IGF2BP3: variants seen among roughly 807,000 people sequenced by gnomAD.
IGF2BP3 encodes insulin like growth factor 2 mRNA binding protein 3, also known as insulin-like growth factor 2 mRNA-binding protein 3.
In IGF2BP3, 9 loss-of-function variants were observed where a neutral mutation model predicts 73.8. The observed-to-expected ratio is 0.12, with a 90% CI of 0.07 to 0.21. The LOEUF (loss-of-function observed/expected upper bound fraction) is 0.21, where lower values mean the gene tolerates loss of function less well. Ranked by LOEUF, IGF2BP3 falls within the 10% of genes least tolerant of loss-of-function variation. IGF2BP3 has a pLI of 1.00. For synonymous variants in IGF2BP3, 258 were observed against 256.7 expected, an observed-to-expected ratio of 1.01 and a Z score of -0.05; for missense variants, 542 against 714.0, an observed-to-expected ratio of 0.76 and a Z score of 2.75.
chr7:23,411,986 T>C (rs995142984), intron 3 of IGF2BP3, among the ~76,000 whole-genome samples: 6 of 131,632 alleles, frequency 4.6e-5, no homozygotes, highest in East Asian at 2.0e-4. Flanking sequence ...TTATTTCTCT[T>C]TTTTTTTTTT....
chr7:23,395,117 GAT>G (rs1786409482), intron 3 of IGF2BP3, among the ~76,000 whole-genome samples: 2 of 152,286 alleles, frequency 1.3e-5, no homozygotes, highest in South Asian at 4.1e-4. Flanking sequence ...AGCCCTCACT[GAT>G]GTTTCTGACT....
At chr7:23,439,410 T>C (rs1057037683) in intron 2 of IGF2BP3, among the ~76,000 whole-genome samples, 1 of 149,666 alleles carries the variant, frequency 6.7e-6, no homozygotes, top group African/African-American at 2.5e-5. Context: ...AAAAAAAAAA[T>C]TAGCCGGGTG....
At chr7:23,398,669 A>G (rs1416420179) in intron 3 of IGF2BP3, among the ~76,000 whole-genome samples, 2 of 152,152 alleles carry the variant, frequency 1.3e-5, no homozygotes, top group Non-Finnish European at 2.9e-5. Flanking sequence ...GCCAGTGATG[A>G]TGAGCATTTT....
chr7:23,437,427 G>C (rs866658865), intron 2 of IGF2BP3, among the ~76,000 whole-genome samples: 3 of 152,074 alleles, frequency 2.0e-5, no homozygotes, highest in African/African-American at 7.2e-5. Context: ...AGGTTGCAGT[G>C]AGCCGAGATG....
chr7:23,381,450 A>C (rs909715692), intron 3 of IGF2BP3, among the ~76,000 whole-genome samples: 2 of 152,246 alleles, frequency 1.3e-5, no homozygotes, highest in African/African-American at 4.8e-5. Flanking sequence ...ACCAGCAAGC[A>C]CAGAAAGTTG....
At chr7:23,411,841 C>T (rs748880687) in intron 3 of IGF2BP3, among the ~76,000 whole-genome samples, 3 of 152,102 alleles carry the variant, frequency 2.0e-5, no homozygotes, top group African/African-American at 7.2e-5. Context: ...TCTCAGCACA[C>T]GTTCATCCAC....
intron 3 of IGF2BP3, among the ~76,000 whole-genome samples, chr7:23,380,712 T>C (rs73281623): frequency 0.023 from 3,484 of 152,274 alleles, 127 homozygotes; most frequent in African/African-American, 0.079. Flanking sequence ...TCTAATCCAA[T>C]GACTAATATC....
At chr7:23,319,728 G>A (rs1267724060) in intron 10 of IGF2BP3, among the ~76,000 whole-genome samples, 5 of 152,202 alleles carry the variant, frequency 3.3e-5, no homozygotes, top group African/African-American at 1.2e-4. Flanking sequence ...ACACAGTGAA[G>A]TGTTTAAGAG....
chr7:23,343,592 G>C, intron 9 of IGF2BP3, 126 bp downstream of exon 9: 2 of 861,378 alleles, frequency 2.3e-6, no homozygotes, highest in Non-Finnish European at 3.7e-6. Context: ...ACTTGCTGAG[G>C]TGCTAAAAAT....
At chr7:23,316,839 G>A (rs1462249890) in intron 12 of IGF2BP3, among the ~76,000 whole-genome samples, 3 of 152,168 alleles carry the variant, frequency 2.0e-5, no homozygotes, top group South Asian at 4.1e-4. Context: ...CATGGTCTTA[G>A]TCTGATTCAT....
At chr7:23,411,892 A>G (rs1362272265) in intron 3 of IGF2BP3, among the ~76,000 whole-genome samples, 1 of 149,434 alleles carries the variant, frequency 6.7e-6, no homozygotes, top group Non-Finnish European at 1.5e-5. Context: ...TATATTAACT[A>G]TGGTATTGTT....
intron 2 of IGF2BP3, among the ~76,000 whole-genome samples, chr7:23,455,542 T>C (rs1273398932): frequency 6.6e-6 from 1 of 152,240 alleles, no homozygotes; most frequent in African/African-American, 2.4e-5. Context: ...AACTTCTCTT[T>C]ACTTGGAGAG....
At chr7:23,392,527 TACACACACAC>T (rs368379331) in intron 3 of IGF2BP3, among the ~76,000 whole-genome samples, 1 of 149,044 alleles carries the variant, frequency 6.7e-6, no homozygotes, top group Non-Finnish European at 1.5e-5. Context: ...CACACACACA[TACACACACAC>T]ACACAAATAT....
chr7:23,415,504 G>T (rs558669291), intron 3 of IGF2BP3: 1 of 231,672 alleles, frequency 4.3e-6, no homozygotes, highest in East Asian at 1.9e-4. Flanking sequence ...TCCGTCAGTC[G>T]GCATCACTGC....
intron 3 of IGF2BP3, among the ~76,000 whole-genome samples, chr7:23,401,492 C>T (rs756079751): frequency 6.6e-6 from 1 of 152,076 alleles, no homozygotes; most frequent in Non-Finnish European, 1.5e-5. Flanking sequence ...ATGCCAGGCA[C>T]GGTGGCTCAC....
intron 2 of IGF2BP3, among the ~76,000 whole-genome samples, chr7:23,423,435 G>A (rs1336454443): frequency 6.6e-6 from 1 of 152,164 alleles, no homozygotes; most frequent in Non-Finnish European, 1.5e-5. Flanking sequence ...TTTTAATAGA[G>A]TGTTTCTATC....
intron 3 of IGF2BP3, among the ~76,000 whole-genome samples, chr7:23,403,515 T>C (rs997748620): frequency 1.3e-5 from 2 of 152,294 alleles, no homozygotes; most frequent in East Asian, 1.9e-4. Context: ...AGGAGGAAAT[T>C]ATAGATCTCA....
chr7:23,447,337 C>CA (rs1788089880), intron 2 of IGF2BP3, among the ~76,000 whole-genome samples: 1 of 151,492 alleles, frequency 6.6e-6, no homozygotes, highest in Non-Finnish European at 1.5e-5. Context: ...GTCATTAAAT[C>CA]AAATGAAGGA....
intron 7 of IGF2BP3, 31 bp from the exon 8 acceptor site, chr7:23,346,093 A>C: frequency 1.3e-6 from 2 of 1,593,226 alleles, no homozygotes; most frequent in Non-Finnish European, 1.7e-6. Flanking sequence ...ATAAAATTAG[A>C]ATAAGTAAAC....
Sources: allele counts gnomAD v4.1 joint callset (sites outside exome capture counted in the v4.1 genomes callset), GRCh38; gene constraint gnomAD v4.1.1; transcripts MANE v1.5; gene names NCBI Gene and HGNC (gene_info 2026-07-23, HGNC 2026-07-21).